Variants in SORBS2 observed in about 807,000 individuals in gnomAD.
SORBS2 encodes the protein sorbin and SH3 domain containing 2.
SORBS2 carries 46 observed loss-of-function variants against 97.7 expected under a neutral mutation model. The observed-to-expected ratio is 0.47, with a 90% CI of 0.37 to 0.60. SORBS2 has a LOEUF of 0.60. Ranked by LOEUF, SORBS2 falls within the 20% of genes least tolerant of loss-of-function variation. The pLI, the probability that SORBS2 is intolerant of heterozygous loss-of-function variation, is 0.00. For missense variants in SORBS2, 1,316 were observed against 1,282.3 expected (o/e 1.03, Z -0.40); for synonymous variants, 476 against 473.4 (o/e 1.01, Z -0.07).
exon 7 of SORBS2, chr4:185,624,122 C>T: frequency 6.2e-7 from 1 of 1,614,244 alleles, no homozygotes; most frequent in Non-Finnish European, 8.5e-7. Context: ...TCTGCCGTTA[C>T]TGCGAACCTC....
chr4:185,690,779 T>C (rs1022889499), intron 2 of SORBS2, among the ~76,000 whole-genome samples, 168 bp from the exon 4 acceptor site: 1 of 152,242 alleles, frequency 6.6e-6, no homozygotes, highest in Non-Finnish European at 1.5e-5. Flanking sequence ...ATTCTGTTCA[T>C]GTTAAACTTT....
chr4:185,731,926 C>T lies in SORBS2; in HGVS notation c.-198+43301G>A, dbSNP rs115157312. 1.7e-3 allele frequency among the ~76,000 whole-genome samples: 223 copies of T among 131,500 alleles called. 1 individual carries two copies. Among genetic ancestry groups the T allele is most frequent in the African/African-American group, 6.1e-3 (214 of 34,900 alleles). The allele number at this position is 131,500 out of a possible 152,430, so 86.3% of individuals were successfully genotyped here. On this transcript the variant is annotated intron_variant, in intron 2 of 20. Coordinates refer to the SORBS2 transcript ENST00000284776. ...TATATATATGTCTGTTTCTCTGTCTCACTCTAGATATACAATCAAATCAGT... is the reference window on the plus strand; with the variant it reads ...TATATATATGTCTGTTTCTCTGTCTTACTCTAGATATACAATCAAATCAGT...
rs70962587 is a variant in SORBS2 at position 185,709,304 on chromosome 4, C to CTTTTTTTT, written c.-197-30490_-197-30483dup. 1.8e-3 allele frequency among the ~76,000 whole-genome samples: 178 copies of CTTTTTTTT among 96,722 alleles called. 8 individuals carry two copies. Among genetic ancestry groups the CTTTTTTTT allele is most frequent in the African/African-American group, 5.3e-3 (129 of 24,346 alleles). 63.5% of individuals were successfully genotyped at this position (96,722 alleles called of 152,430 possible). A position where few individuals can be genotyped will look rare whatever the true frequency, so the allele number is the denominator to read the frequency against. On this transcript the variant is annotated intron_variant, in intron 2 of 20. Coordinates refer to the SORBS2 transcript ENST00000284776. ...GCATGAGCCGCTGTGCTGGCCAAAT[C>CTTTTTTTT]TTTTTTTTTTTTTTTTTTTTAGTAA...
intron 2 of SORBS2, chr4:185,761,536 T>A (rs2098891926): frequency 6.6e-6 from 1 of 152,254 alleles, no homozygotes; most frequent in Admixed American, 6.5e-5. Context: ...TCCCAGTGAC[T>A]GTCACGGACA....
At chr4:185,916,411 C>T (rs887355116) in intron 1 of SORBS2, among the ~76,000 whole-genome samples, 4 of 152,178 alleles carry the variant, frequency 2.6e-5, no homozygotes, top group Admixed American at 1.3e-4. Flanking sequence ...CCTGTCACGC[C>T]CACAGTTGCT....
At chr4:185,873,604 G>A (rs1048371301) in intron 1 of SORBS2, among the ~76,000 whole-genome samples, 1 of 152,158 alleles carries the variant, frequency 6.6e-6, no homozygotes, top group Non-Finnish European at 1.5e-5. Flanking sequence ...CAAAAGGGTA[G>A]ATCAATCATG....
At chr4:185,731,543 C>T (rs1207253729) in intron 2 of SORBS2, among the ~76,000 whole-genome samples, 90 of 87,748 alleles carry the variant, frequency 1.0e-3, no homozygotes, top group African/African-American at 4.6e-3. Flanking sequence ...TCTCTCCCTG[C>T]CTCTCTCCCT....
Position 185,629,003 on chromosome 4 carries a change from C to T in SORBS2, c.446+1546G>A, listed in dbSNP as rs146696974. On this transcript the variant is annotated intron_variant, in intron 5 of 14. Coordinates refer to ENST00000418609, the Ensembl canonical transcript of SORBS2. ...TAGACAACAGTGATAATAGCAACAG[C>T]AGCAACCCCAGCTCCTATGGAGCCC... is the stretch of plus-strand genomic sequence containing the variant. 2.3e-3 allele frequency among the ~76,000 whole-genome samples: 350 copies of T among 152,310 alleles called. 2 individuals are homozygous for T. The highest frequency in any genetic ancestry group is 7.7e-3 in the African/African-American group (319 of 41,574).
intron 4 of SORBS2, chr4:185,677,121 C>T: frequency 6.4e-7 from 1 of 1,551,624 alleles, no homozygotes; most frequent in Non-Finnish European, 8.7e-7. Flanking sequence ...AAGATCCTGT[C>T]CTGAAAGGGG....
chr4:185,892,179 A>C lies in SORBS2; in HGVS notation c.-338+64017T>G, dbSNP rs112026471. Among the ~76,000 whole-genome samples, 149 of 152,360 alleles carry C rather than the reference A, an allele frequency of 9.8e-4. 1 individual carries two copies. The highest frequency in any genetic ancestry group is 3.5e-3 in the African/African-American group (146 of 41,592). Reference sequence around the variant, plus strand: ...CTGCTTATACTAGAAATCTTTGAGCATCAAAGTAAACTCAAGAATTTCAAT... The same window carrying C: ...CTGCTTATACTAGAAATCTTTGAGCCTCAAAGTAAACTCAAGAATTTCAAT... On this transcript the variant is annotated intron_variant, in intron 1 of 20. Transcript: ENST00000284776.
At chr4:185,887,151 A>ATAATAAAC (rs1401051488) in intron 1 of SORBS2, among the ~76,000 whole-genome samples, 3 of 152,234 alleles carry the variant, frequency 2.0e-5, no homozygotes, top group African/African-American at 7.2e-5. Flanking sequence ...ACGAGCCCAT[A>ATAATAAAC]TAATAAACTT....
intron 2 of SORBS2, among the ~76,000 whole-genome samples, chr4:185,700,378 G>A (rs1278491493): frequency 6.6e-6 from 1 of 151,702 alleles, no homozygotes; most frequent in Non-Finnish European, 1.5e-5. Flanking sequence ...GTCACAGAAC[G>A]ATATGGTAGA....
intron 13 of SORBS2, among the ~76,000 whole-genome samples, chr4:185,592,589 T>G (rs2095976553): frequency 6.6e-6 from 1 of 152,216 alleles, no homozygotes; most frequent in Non-Finnish European, 1.5e-5. Flanking sequence ...AGGGTCTTGC[T>G]CTGTTGCCCA....
chr4:185,946,670 C>T (rs542515385), intron 1 of SORBS2, among the ~76,000 whole-genome samples: 2 of 152,200 alleles, frequency 1.3e-5, no homozygotes, highest in Admixed American at 1.3e-4. Context: ...AAATGATGAA[C>T]TCATTCTTTT....
At chr4:185,863,901 G>A (rs976762426) in intron 1 of SORBS2, among the ~76,000 whole-genome samples, 2 of 151,918 alleles carry the variant, frequency 1.3e-5, no homozygotes, top group Admixed American at 6.6e-5. Flanking sequence ...AACAATATGG[G>A]GTTCTTTAAT....
rs73019811 is a variant in SORBS2, at chr4:185,841,928, C to T, written c.-337-66562G>A. On this transcript the variant is annotated intron_variant, in intron 1 of 20. Coordinates refer to the SORBS2 transcript ENST00000284776. ...TTTCTGGCTTAGGTGACCAGGTGGA[C>T]GGTGAATTAGAAAATTAATTCATTC... Among the ~76,000 whole-genome samples, 367 of 152,216 alleles carry T rather than the reference C, an allele frequency of 2.4e-3. 1 individual carries two copies. The highest frequency in any genetic ancestry group is 7.9e-3 in the African/African-American group (329 of 41,522).
chr4:185,801,791 A>C (rs922799273), intron 1 of SORBS2, among the ~76,000 whole-genome samples: 4 of 152,142 alleles, frequency 2.6e-5, no homozygotes, highest in African/African-American at 9.7e-5. Context: ...CTTTTCAAAA[A>C]GTTCATCTCA....
Position 185,621,937 on chromosome 4 carries a change from T to G in SORBS2, c.2215+977A>C, listed in dbSNP as rs115867064. Among the ~76,000 whole-genome samples, 847 of 152,330 alleles carry G rather than the reference T, an allele frequency of 5.6e-3. 9 individuals are homozygous for G. The highest frequency in any genetic ancestry group is 0.019 in the African/African-American group (796 of 41,572). The stretch of plus-strand genomic sequence containing the variant: ...GGCCTATGCCAGTTTTATTAGATAA[T>G]GTATGTAAAGCACTCTGTAGTGTCT... On this transcript the variant is annotated intron_variant, in intron 7 of 14. Coordinates refer to ENST00000418609, the Ensembl canonical transcript of SORBS2.
At chr4:185,697,178 C>T (rs2098187739) in intron 2 of SORBS2, among the ~76,000 whole-genome samples, 1 of 152,218 alleles carries the variant, frequency 6.6e-6, no homozygotes, top group Non-Finnish European at 1.5e-5. Context: ...CCCAATCTGG[C>T]AAACTGGCAT....
Sources: gnomAD v4.1 joint callset for allele counts (sites outside exome capture counted in the v4.1 genomes callset) on GRCh38, gnomAD v4.1.1 for gene constraint, MANE v1.5 for transcripts, NCBI Gene and HGNC (gene_info 2026-07-23, HGNC 2026-07-21) for gene names.